Variants in RPL28 observed in about 807,000 individuals in gnomAD.
The protein encoded by RPL28 is ribosomal protein L28.
In RPL28, 4 loss-of-function variants were observed where a neutral mutation model predicts 12.5. The ratio of observed to expected loss-of-function variants is 0.32; its 90% CI spans 0.16 to 0.73. RPL28 has a LOEUF of 0.73. Among genes scored for constraint, RPL28 ranks in the 30% least tolerant of loss-of-function variants. The probability of loss-of-function intolerance (pLI) is 0.66; values close to 1 mark genes in which losing one functional copy is unlikely to be tolerated. For synonymous variants in RPL28, 91 were observed against 72.5 expected, an observed-to-expected ratio of 1.26 and a Z score of -1.30; for missense variants, 214 against 197.7, an observed-to-expected ratio of 1.08 and a Z score of -0.49.
At chr19:55,398,928 C>G (rs2090039142) in intron 4 of RPL28, among the ~76,000 whole-genome samples, 1 of 152,110 alleles carries the variant, frequency 6.6e-6, no homozygotes. Context: ...TCTTGAACTC[C>G]CAACGTGAAG....
rs553961302 is a variant in RPL28 at position 55,389,956 on chromosome 19, C to T, written c.*1624C>T. On this transcript the variant is annotated 3_prime_UTR_variant, in exon 5 of 5. Transcript: ENST00000344063. ...GGCTGGCCTCACTGCGCTGGGACTCCGCCTTCATAAGGAGAGCTCACTGCT... is the reference window on the plus strand; with the variant it reads ...GGCTGGCCTCACTGCGCTGGGACTCTGCCTTCATAAGGAGAGCTCACTGCT... 61 of 985,510 alleles carry T rather than the reference C, an allele frequency of 6.2e-5. No individual in the cohort carries two copies. Among genetic ancestry groups the T allele is most frequent in the African/African-American group, 1.2e-4 (7 of 57,346 alleles). The allele number at this position is 985,510 out of a possible 1,614,324, so 61.0% of individuals were successfully genotyped here. A position where few individuals can be genotyped will look rare whatever the true frequency, so the allele number is the denominator to read the frequency against.
intron 4 of RPL28, chr19:55,402,905 G>A (rs1178006825): frequency 6.6e-7 from 1 of 1,511,792 alleles, no homozygotes; most frequent in East Asian, 2.5e-5. Context: ...GTGCCCCAGG[G>A]ACTCATTAGA....
intron 3 of RPL28, chr19:55,387,444 C>T (rs1011667787): frequency 1.1e-5 from 17 of 1,512,494 alleles, no homozygotes; most frequent in Middle Eastern, 2.1e-4. Flanking sequence ...GGACCCCGTT[C>T]TGGGGAGTCC....
chr19:55,389,494 T>A lies in RPL28; in HGVS notation c.*1162T>A. ...TTCCTGCCATCCTGGGGTACCCGAT[T>A]CAAAGAAGGACTCTGCTCCCTGTCT... On this transcript the variant is annotated 3_prime_UTR_variant, in exon 5 of 5. Transcript: ENST00000344063. The A allele has an allele frequency of 1.0e-6, 1 of 985,436 alleles. No homozygotes were observed. The highest frequency in any genetic ancestry group is 5.2e-4 in the Middle Eastern group (1 of 1,914). 61.0% of individuals were successfully genotyped at this position (985,436 alleles called of 1,614,324 possible). A position where few individuals can be genotyped will look rare whatever the true frequency, so the allele number is the denominator to read the frequency against.
At chr19:55,401,791 G>T (rs773516203) in intron 4 of RPL28, 1 of 1,612,046 alleles carries the variant, frequency 6.2e-7, no homozygotes, top group Non-Finnish European at 8.5e-7. Context: ...GGTCACAGTG[G>T]GTCGGGCAAC....
In RPL28 at chr19:55,388,791, A is replaced by C; in HGVS notation, c.*459A>C. Reference sequence around the variant, plus strand: ...ACAGACATCACGGGAGGAAGATGAGATGACTTTTGCATCCAGGGAGTGGGT... The same window carrying C: ...ACAGACATCACGGGAGGAAGATGAGCTGACTTTTGCATCCAGGGAGTGGGT... On this transcript the variant is annotated 3_prime_UTR_variant, in exon 5 of 5. Coordinates refer to ENST00000344063, the MANE Select transcript of RPL28 (RefSeq NM_000991.5). 1 of 993,264 alleles carries C rather than the reference A, an allele frequency of 1.0e-6. No homozygotes were observed. Among genetic ancestry groups the C allele is most frequent in the Non-Finnish European group, 1.2e-6 (1 of 835,636 alleles). 61.5% of individuals were successfully genotyped at this position (993,264 alleles called of 1,614,324 possible). A position where few individuals can be genotyped will look rare whatever the true frequency, so the allele number is the denominator to read the frequency against.
At chr19:55,387,241 CCAGCTT>C in intron 3 of RPL28, 1 of 1,530,430 alleles carries the variant, frequency 6.5e-7, no homozygotes, top group Non-Finnish European at 8.9e-7. Flanking sequence ...ATGGAGGAGT[CCAGCTT>C]CACATGTGTT....
At chr19:55,397,411 G>C (rs904291906) in intron 4 of RPL28, among the ~76,000 whole-genome samples, 1 of 152,030 alleles carries the variant, frequency 6.6e-6, no homozygotes, top group Non-Finnish European at 1.5e-5. Context: ...ACGGAGTCTC[G>C]CTCTGTCTCC....
At chr19:55,387,891 A>G (rs779991532) in intron 3 of RPL28, 39 bp from the exon 4 acceptor site, 3 of 1,527,964 alleles carry the variant, frequency 2.0e-6, no homozygotes, top group African/African-American at 2.8e-5. Context: ...GGTGCAGGTT[A>G]GGTGGACTGA....
chr19:55,386,318 C>A, intron 1 of RPL28, 32 bp from the exon 2 acceptor site: 1 of 1,604,938 alleles, frequency 6.2e-7, no homozygotes, highest in Non-Finnish European at 8.5e-7. Context: ...TTCTCTGTGT[C>A]TGACGCTTTC....
Position 55,388,782 on chromosome 19 carries a change from G to A in RPL28, c.*450G>A. 1 of 996,680 alleles carries A rather than the reference G, an allele frequency of 1.0e-6. No individual in the cohort carries two copies. The highest frequency in any genetic ancestry group is 1.2e-6 in the Non-Finnish European group (1 of 837,798). The allele number at this position is 996,680 out of a possible 1,614,324, so 61.7% of individuals were successfully genotyped here. ...TGGGGGACGACAGACATCACGGGAGGAAGATGAGATGACTTTTGCATCCAG... is the reference window on the plus strand; with the variant it reads ...TGGGGGACGACAGACATCACGGGAGAAAGATGAGATGACTTTTGCATCCAG... On this transcript the variant is annotated 3_prime_UTR_variant, in exon 5 of 5. Coordinates refer to ENST00000344063, the MANE Select transcript of RPL28 (RefSeq NM_000991.5).
chr19:55,396,812 C>A (rs953077567), downstream of RPL28, among the ~76,000 whole-genome samples: 1 of 151,006 alleles, frequency 6.6e-6, no homozygotes. Flanking sequence ...GATCTCCTGA[C>A]CTTGTGATCC....
chr19:55,386,912 GA>G, intron 3 of RPL28: 1 of 1,492,458 alleles, frequency 6.7e-7, no homozygotes, highest in Non-Finnish European at 8.9e-7. Context: ...GTGGAGAAAT[GA>G]AAAAGGACCT....
rs548045472 is a variant in RPL28, at chr19:55,385,983, T to G, written c.-9+18T>G. On this transcript the variant is annotated intron_variant, in intron 1 of 4. Transcript: ENST00000344063. ...GAAGGGAGGTGAGCGTTCGTCTTCC[T>G]CGCGTGGTCGCCATCTCCGGCCCGC... The G allele has an allele frequency of 3.7e-6, 1 of 268,542 alleles. No individual in the cohort carries two copies. Among genetic ancestry groups the G allele is most frequent in the Non-Finnish European group, 7.5e-6 (1 of 133,068 alleles). The allele number at this position is 268,542 out of a possible 1,614,324, so 16.6% of individuals were successfully genotyped here. A position where few individuals can be genotyped will look rare whatever the true frequency, so the allele number is the denominator to read the frequency against.
In RPL28 at chr19:55,389,199, A is replaced by G; in HGVS notation, c.*867A>G. On this transcript the variant is annotated 3_prime_UTR_variant, in exon 5 of 5. Coordinates refer to ENST00000344063, the MANE Select transcript of RPL28 (RefSeq NM_000991.5). ...AATGAGACACCGTCTCTAAAATAAA[A>G]TTAGCTGGGTGTGGTGGTGCACCGC... 5.2e-6 allele frequency: 5 copies of G among 962,692 alleles called. No homozygotes were observed. Among genetic ancestry groups the G allele is most frequent in the Non-Finnish European group, 6.2e-6 (5 of 809,286 alleles). 59.6% of individuals were successfully genotyped at this position (962,692 alleles called of 1,614,324 possible). A position where few individuals can be genotyped will look rare whatever the true frequency, so the allele number is the denominator to read the frequency against.
At chr19:55,402,092 CCA>C (rs905989059) in intron 4 of RPL28, among the ~76,000 whole-genome samples, 6 of 152,202 alleles carry the variant, frequency 3.9e-5, no homozygotes, top group African/African-American at 1.4e-4. Context: ...TGCCTGAGCC[CCA>C]GACTTGAGTC....
chr19:55,391,750 A>G lies in RPL28; in HGVS notation c.*3418A>G. On this transcript the variant is annotated 3_prime_UTR_variant, in exon 5 of 5. Coordinates refer to ENST00000344063, the MANE Select transcript of RPL28 (RefSeq NM_000991.5). The stretch of plus-strand genomic sequence containing the variant: ...GCCCACAAATCCTGATTGTAGGAAT[A>G]AATTAATGACTTTTTATAAATATTT... The G allele has an allele frequency of 6.7e-7, 1 of 1,500,448 alleles. No individual in the cohort carries two copies. The highest frequency in any genetic ancestry group is 9.0e-7 in the Non-Finnish European group (1 of 1,111,644). 92.9% of individuals were successfully genotyped at this position (1,500,448 alleles called of 1,614,324 possible).
In RPL28 at chr19:55,389,957, G is replaced by A. The variant is rs1038251879; in HGVS notation, c.*1625G>A. On this transcript the variant is annotated 3_prime_UTR_variant, in exon 5 of 5. Transcript: ENST00000344063. ...GCTGGCCTCACTGCGCTGGGACTCC[G>A]CCTTCATAAGGAGAGCTCACTGCTC... 54 of 985,448 alleles carry A rather than the reference G, an allele frequency of 5.5e-5. No homozygotes were observed. In the African/African-American group the frequency reaches 7.3e-4, roughly 13 times the overall value. The allele number at this position is 985,448 out of a possible 1,614,324, so 61.0% of individuals were successfully genotyped here. A position where few individuals can be genotyped will look rare whatever the true frequency, so the allele number is the denominator to read the frequency against.
chr19:55,389,608 G>A lies in RPL28; in HGVS notation c.*1276G>A, dbSNP rs1211004905. 1 of 985,392 alleles carries A rather than the reference G, an allele frequency of 1.0e-6. No individual in the cohort carries two copies. Among genetic ancestry groups the A allele is most frequent in the Non-Finnish European group, 1.2e-6 (1 of 829,996 alleles). The allele number at this position is 985,392 out of a possible 1,614,324, so 61.0% of individuals were successfully genotyped here. The stretch of plus-strand genomic sequence containing the variant: ...GGGGTCGTACGGGGCTGGGAGCCCT[G>A]CGTTTTGAGGCAGACCACTGCCCTT... On this transcript the variant is annotated 3_prime_UTR_variant, in exon 5 of 5. Coordinates refer to ENST00000344063, the MANE Select transcript of RPL28 (RefSeq NM_000991.5).
Sources: allele counts gnomAD v4.1 joint callset (sites outside exome capture counted in the v4.1 genomes callset), GRCh38; gene constraint gnomAD v4.1.1; transcripts MANE v1.5; gene names NCBI Gene and HGNC (gene_info 2026-07-23, HGNC 2026-07-21).